Variants in MELK observed in about 807,000 individuals in gnomAD.
The protein encoded by MELK is pEg3 kinase.
Under a neutral mutation model 85.0 loss-of-function variants are expected in MELK, and 81 were observed. The observed-to-expected ratio is 0.95, with a 90% CI of 0.80 to 1.15. The LOEUF (loss-of-function observed/expected upper bound fraction) is 1.15, where lower values mean the gene tolerates loss of function less well. Ranked by LOEUF, MELK falls within the 50% of genes most tolerant of loss-of-function variation. The probability of loss-of-function intolerance (pLI) is 0.00; values close to 1 mark genes in which losing one functional copy is unlikely to be tolerated. For missense variants in MELK, 754 were observed against 777.5 expected, an observed-to-expected ratio of 0.97 and a Z score of 0.36; for synonymous variants, 252 against 265.0, an observed-to-expected ratio of 0.95 and a Z score of 0.48.
At chr9:36,664,828 G>A (rs970700929) in intron 13 of MELK, among the ~76,000 whole-genome samples, 2 of 152,154 alleles carry the variant, frequency 1.3e-5, no homozygotes, top group African/African-American at 4.8e-5. Flanking sequence ...GCAGCAGAGA[G>A]TTTCAGCCTT....
At position 36,633,103 on chromosome 9, in the gene MELK, T is replaced by G. The variant is rs1461466085; in HGVS notation, c.737T>G (p.Val246Gly). 1 of 1,605,732 alleles carries G rather than the reference T, an allele frequency of 6.2e-7. No individual in the cohort carries two copies. The highest frequency in any genetic ancestry group is 8.5e-7 in the Non-Finnish European group (1 of 1,176,490). The change falls in exon 10 of 18, where the codon GTG becomes GGG. Residue 246 changes from valine (V) to glycine (G), a missense_variant and splice_region_variant. Physicochemically the swap from Val to Gly is moderately radical, Grantham distance 109. Transcript: ENST00000298048. Reference protein sequence around the residue: ...SILLLQQMLQVDPKKRISMKN... With the variant: ...SILLLQQMLQGDPKKRISMKN... ...TAGCTACTTTTTAATGGCCACTAGG[T>G]GGACCCAAAGAAACGGATTTCTATG...
chr9:36,578,898 A>G (rs1821909554), intron 1 of MELK, among the ~76,000 whole-genome samples: 1 of 152,172 alleles, frequency 6.6e-6, no homozygotes, highest in Non-Finnish European at 1.5e-5. Flanking sequence ...GCTGGAGTGC[A>G]GTGGCACGAT....
At chr9:36,608,482 G>A (rs1292351695) in intron 8 of MELK, among the ~76,000 whole-genome samples, 2 of 151,694 alleles carry the variant, frequency 1.3e-5, no homozygotes, top group Non-Finnish European at 2.9e-5. Flanking sequence ...CGTGGTTTCC[G>A]GCATCCATGG....
chr9:36,602,121 T>C lies in MELK; in HGVS notation c.567+2635T>C, dbSNP rs150836892. Among the ~76,000 whole-genome samples, 27 of 152,286 alleles carry C rather than the reference T, an allele frequency of 1.8e-4. No homozygotes were observed. The East Asian group carries it at 4.8e-3, about 27-fold the overall frequency. ...GTTGCTGGATCATATTGTAATTCTA[T>C]TTTTAATATTTTGTGGAATCTCCAT... On this transcript the variant is annotated intron_variant, in intron 7 of 17. Coordinates refer to ENST00000298048, the MANE Select transcript of MELK (RefSeq NM_014791.4).
rs531308874 is a variant in MELK, at chr9:36,642,872, T to G, written c.835-125T>G. ...GAATATTGATTCTTCCCCAAGAAATTGACAGATTCATGTTTTACATAATGA... is the reference window on the plus strand; with the variant it reads ...GAATATTGATTCTTCCCCAAGAAATGGACAGATTCATGTTTTACATAATGA... On this transcript the variant is annotated intron_variant, in intron 10 of 17. Transcript: ENST00000298048. The G allele has an allele frequency of 2.2e-4, 142 of 660,072 alleles. 1 individual carries two copies. In the East Asian group the frequency reaches 4.2e-3, roughly 19 times the overall value. 40.9% of individuals were successfully genotyped at this position (660,072 alleles called of 1,614,324 possible). A position where few individuals can be genotyped will look rare whatever the true frequency, so the allele number is the denominator to read the frequency against.
At chr9:36,578,188 T>G (rs773102860) in intron 1 of MELK, among the ~76,000 whole-genome samples, 13 of 152,194 alleles carry the variant, frequency 8.5e-5, no homozygotes, top group Non-Finnish European at 1.9e-4. Flanking sequence ...TCTTTTGCTT[T>G]TAAGTCTTTA....
In MELK at chr9:36,677,650, TTTC is replaced by T. The variant is rs1228857289; in HGVS notation, c.*316_*318del. Reference sequence around the variant, plus strand: ...AACTATGTCTCTTTGTAATGTGTAATTTCTTTCTGAAATAAAACCATTTGTGAA... The same window carrying T: ...AACTATGTCTCTTTGTAATGTGTAATTTTCTGAAATAAAACCATTTGTGAA... On this transcript the variant is annotated 3_prime_UTR_variant, in exon 18 of 18. Coordinates refer to ENST00000298048, the MANE Select transcript of MELK (RefSeq NM_014791.4). The T allele has an allele frequency of 5.4e-6, 1 of 184,516 alleles. No individual in the cohort carries two copies. Among genetic ancestry groups the T allele is most frequent in the Non-Finnish European group, 1.1e-5 (1 of 89,880 alleles). The allele number at this position is 184,516 out of a possible 1,614,324, so 11.4% of individuals were successfully genotyped here.
chr9:36,581,912 A>G (rs1452048204), intron 2 of MELK, among the ~76,000 whole-genome samples, 173 bp downstream of exon 2: 2 of 152,116 alleles, frequency 1.3e-5, no homozygotes, highest in African/African-American at 2.4e-5. Flanking sequence ...GAAGCCCTGT[A>G]GGTTATTGCA....
intron 8 of MELK, among the ~76,000 whole-genome samples, chr9:36,616,368 G>A (rs557787553): frequency 5.5e-4 from 81 of 146,054 alleles, no homozygotes; most frequent in Non-Finnish European, 9.9e-4. Context: ...ATTATTAAAG[G>A]TATCTAGCAT....
intron 8 of MELK, among the ~76,000 whole-genome samples, chr9:36,611,250 T>A (rs1312174309): frequency 6.6e-6 from 1 of 152,218 alleles, no homozygotes; most frequent in Non-Finnish European, 1.5e-5. Context: ...TAGAATTGAA[T>A]CTGCTAGCTG....
At chr9:36,580,624 CT>C (rs202201969) in intron 1 of MELK, among the ~76,000 whole-genome samples, 6 of 147,442 alleles carry the variant, frequency 4.1e-5, no homozygotes, top group East Asian at 2.0e-4. Flanking sequence ...AGCTTCGTGT[CT>C]TTTTTTTTTA....
Position 36,589,920 on chromosome 9 carries a change from G to GC in MELK, c.261+268_261+269insC, listed in dbSNP as rs1554715717. Among the ~76,000 whole-genome samples, 1,215 of 125,768 alleles carry GC rather than the reference G, an allele frequency of 9.7e-3. 21 individuals are homozygous for GC. Among genetic ancestry groups the GC allele is most frequent in the African/African-American group, 0.034 (1,083 of 32,070 alleles). 82.5% of individuals were successfully genotyped at this position (125,768 alleles called of 152,430 possible). A position where few individuals can be genotyped will look rare whatever the true frequency, so the allele number is the denominator to read the frequency against. Reference sequence around the variant, plus strand: ...CTCCTAGAGGGAAGGACTCATTCTAGTTTTTTTTTTTTTTTTTTTGAGACG... The same window carrying GC: ...CTCCTAGAGGGAAGGACTCATTCTAGCTTTTTTTTTTTTTTTTTTTGAGACG... On this transcript the variant is annotated intron_variant, in intron 4 of 17. Transcript: ENST00000298048.
intron 4 of MELK, among the ~76,000 whole-genome samples, chr9:36,593,239 T>A (rs926515416): frequency 6.6e-6 from 1 of 151,436 alleles, no homozygotes; most frequent in Non-Finnish European, 1.5e-5. Flanking sequence ...TTATATAGTA[T>A]CAGCATTTAG....
chr9:36,639,734 C>G (rs1047841829), intron 10 of MELK, among the ~76,000 whole-genome samples: 1 of 152,188 alleles, frequency 6.6e-6, no homozygotes, highest in Non-Finnish European at 1.5e-5. Flanking sequence ...GTTTCCAGTT[C>G]AGGAGCCCAG....
At chr9:36,606,564 AAT>A (rs1491541587) in intron 7 of MELK, among the ~76,000 whole-genome samples, 1 of 136,034 alleles carries the variant, frequency 7.4e-6, no homozygotes, top group Non-Finnish European at 1.6e-5. Flanking sequence ...GTGTGTATAT[AAT>A]ATATAATATA....
chr9:36,596,557 CTTTTTGTTTTTTTTGTTT>C (rs1208026089), intron 5 of MELK, among the ~76,000 whole-genome samples: 40 of 142,892 alleles, frequency 2.8e-4, no homozygotes, highest in African/African-American at 5.1e-4. Flanking sequence ...GCGCCCGGCC[CTTTTTGTTTTTTTTGTTT>C]TTTTTGTTTT....
At chr9:36,660,730 G>A (rs970781659) in intron 13 of MELK, among the ~76,000 whole-genome samples, 2 of 149,896 alleles carry the variant, frequency 1.3e-5, no homozygotes, top group Non-Finnish European at 3.0e-5. Flanking sequence ...AGTGGCTCAC[G>A]CCTGTAATCC....
rs570557295 is a variant in MELK at position 36,592,655 on chromosome 9, A to G, written c.262-1973A>G. Among the ~76,000 whole-genome samples, 6 of 152,288 alleles carry G rather than the reference A, an allele frequency of 3.9e-5. No individual in the cohort carries two copies. In the South Asian group the frequency reaches 1.2e-3, roughly 32 times the overall value. ...CACCTTGTTTTTTTCCCAGGTAACA[A>G]TTGATCTTAGAGACCATCTGAGCAC... On this transcript the variant is annotated intron_variant, in intron 4 of 17. Transcript: ENST00000298048.
chr9:36,658,005 C>A (rs900163619), intron 13 of MELK, among the ~76,000 whole-genome samples: 1 of 151,804 alleles, frequency 6.6e-6, no homozygotes, highest in Non-Finnish European at 1.5e-5. Flanking sequence ...GTATAACCAC[C>A]ACCAAAATTA....
Sources: allele counts gnomAD v4.1 joint callset (sites outside exome capture counted in the v4.1 genomes callset), GRCh38; gene constraint gnomAD v4.1.1; transcripts MANE v1.5; gene names NCBI Gene and HGNC (gene_info 2026-07-23, HGNC 2026-07-21).